IQUB: variants seen among roughly 807,000 people sequenced by gnomAD.
The protein encoded by IQUB is IQ motif and ubiquitin domain containing.
In IQUB, 86 loss-of-function variants were observed where a neutral mutation model predicts 86.4. The observed-to-expected ratio is 1.00, with a 90% confidence interval of 0.84 to 1.19. The LOEUF (loss-of-function observed/expected upper bound fraction) is 1.19. IQUB is among the 50% of genes most tolerant of loss of function. The pLI, the probability that IQUB is intolerant of heterozygous loss-of-function variation, is 0.00. For missense variants in IQUB, 946 were observed against 916.9 expected, an observed-to-expected ratio of 1.03 and a Z score of -0.41; for synonymous variants, 289 against 304.5, an observed-to-expected ratio of 0.95 and a Z score of 0.53.
chr7:123,500,327 A>G (rs1795888150), intron 6 of IQUB, among the ~76,000 whole-genome samples: 1 of 152,186 alleles, frequency 6.6e-6, no homozygotes, highest in African/African-American at 2.4e-5. Context: ...CACTAGAAAA[A>G]ACAAAATACT....
chr7:123,479,691 A>AAATTCATGT, intron 8 of IQUB, 104 bp downstream of exon 8: 2 of 831,120 alleles, frequency 2.4e-6, no homozygotes, highest in Non-Finnish European at 3.7e-6. Flanking sequence ...ATCCTAAACA[A>AAATTCATGT]AATTCATGTA....
At chr7:123,499,707 C>T (rs182993115) in intron 6 of IQUB, among the ~76,000 whole-genome samples, 3 of 152,190 alleles carry the variant, frequency 2.0e-5, no homozygotes. Context: ...TAGATATGCA[C>T]TTGGTATAAA....
At chr7:123,511,439 T>C (rs1429230340) in intron 2 of IQUB, among the ~76,000 whole-genome samples, 3 of 152,168 alleles carry the variant, frequency 2.0e-5, no homozygotes, top group Non-Finnish European at 4.4e-5. Context: ...TGAAAAACAA[T>C]GATTTTTCTG....
chr7:123,474,917 C>T (rs1794683104), intron 8 of IQUB, among the ~76,000 whole-genome samples: 1 of 152,190 alleles, frequency 6.6e-6, no homozygotes, highest in Non-Finnish European at 1.5e-5. Context: ...ACCCACAAAA[C>T]ACCTCTGCCT....
At chr7:123,511,157 C>T (rs1314630892) in intron 2 of IQUB, among the ~76,000 whole-genome samples, 1 of 152,108 alleles carries the variant, frequency 6.6e-6, no homozygotes, top group Non-Finnish European at 1.5e-5. Context: ...GGGTAAACTA[C>T]ACCACCAGAT....
Position 123,496,825 on chromosome 7 carries a change from G to C in IQUB, c.1105C>G (p.Leu369Val), listed in dbSNP as rs770368605. ...AGTTCTTGCTGTGTTTCCCATTCCA[G>C]TCTTAAGCTTTTCTGTCTTCTTAAA... ...ENLRRQKSLR[L>V]EWETQQELRK... The change falls in exon 7 of 13, where the codon CTG becomes GTG. Residue 369 changes from leucine (L) to valine (V), a missense_variant. Leu to Val is a conservative substitution (Grantham distance 32, BLOSUM62 1). Transcript: ENST00000324698. 3.9e-5 allele frequency: 63 copies of C among 1,612,386 alleles called. No individual in the cohort carries two copies. The South Asian group carries it at 6.8e-4, about 17-fold the overall frequency.
chr7:123,487,602 C>G lies in IQUB; in HGVS notation c.1235-7632G>C, dbSNP rs73720258. 7.0e-3 allele frequency among the ~76,000 whole-genome samples: 1,066 copies of G among 152,276 alleles called. 14 individuals are homozygous for G. The highest frequency in any genetic ancestry group is 0.024 in the African/African-American group (1,016 of 41,560). On this transcript the variant is annotated intron_variant, in intron 7 of 12. Coordinates refer to ENST00000324698, the MANE Select transcript of IQUB (RefSeq NM_178827.5). ...TATCACACCAGAGAATTTTTCAAACCTAGCAAAAGTGTAAACTATGCTTGT... is the reference window on the plus strand; with the variant it reads ...TATCACACCAGAGAATTTTTCAAACGTAGCAAAAGTGTAAACTATGCTTGT...
intron 3 of IQUB, among the ~76,000 whole-genome samples, chr7:123,508,150 G>T (rs1266381685): frequency 6.6e-6 from 1 of 152,152 alleles, no homozygotes; most frequent in Non-Finnish European, 1.5e-5. Context: ...CAGATTTGAA[G>T]ATGCTACAGT....
At chr7:123,453,208 G>A (rs1793519073) in intron 12 of IQUB, among the ~76,000 whole-genome samples, 1 of 147,468 alleles carries the variant, frequency 6.8e-6, no homozygotes, top group South Asian at 2.2e-4. Context: ...TTTTGTATAG[G>A]GTGTGATGTG....
chr7:123,504,586 A>G (rs891739266), intron 3 of IQUB, among the ~76,000 whole-genome samples: 1 of 152,172 alleles, frequency 6.6e-6, no homozygotes, highest in Non-Finnish European at 1.5e-5. Context: ...AGGAGGAGAA[A>G]GAGTGAAGGA....
chr7:123,526,564 C>T (rs1296749211), intron 1 of IQUB, among the ~76,000 whole-genome samples: 1 of 151,476 alleles, frequency 6.6e-6, no homozygotes, highest in African/African-American at 2.4e-5. Flanking sequence ...GATCTTCCTC[C>T]ATCCTTTTAT....
rs1794416622 is a variant in IQUB at position 123,469,300 on chromosome 7, G to T, written c.1495C>A (p.Gln499Lys). 3.7e-6 allele frequency: 6 copies of T among 1,610,080 alleles called. No homozygotes were observed. Among genetic ancestry groups the T allele is most frequent in the Non-Finnish European group, 5.1e-6 (6 of 1,177,834 alleles). ...TQFTIRARELQNIYKCIMLKN... is the reference protein window; with the variant it reads ...TQFTIRARELKNIYKCIMLKN... Reference sequence around the variant, plus strand: ...AGCATAATGCACTTATAGATATTTTGCAGCTCTCTGGCTCTGATGGTGAAC... The same window carrying T: ...AGCATAATGCACTTATAGATATTTTTCAGCTCTCTGGCTCTGATGGTGAAC... Residue 499 changes from glutamine to lysine, a missense_variant, in exon 9 of 13, where the codon CAA becomes AAA. Physicochemically the swap from Gln to Lys is moderately conservative, Grantham distance 53 (BLOSUM62 1). Transcript: ENST00000324698.
At chr7:123,515,145 C>G (rs1370540140) in intron 1 of IQUB, among the ~76,000 whole-genome samples, 2 of 151,978 alleles carry the variant, frequency 1.3e-5, no homozygotes, top group Admixed American at 6.6e-5. Flanking sequence ...CACAAAAACA[C>G]CATTTTGATT....
intron 1 of IQUB, among the ~76,000 whole-genome samples, chr7:123,523,409 A>T (rs1273601281): frequency 6.6e-6 from 1 of 151,388 alleles, no homozygotes; most frequent in African/African-American, 2.4e-5. Context: ...CTGGTGTGAG[A>T]TGATATCTCA....
At position 123,498,864 on chromosome 7, in the gene IQUB, G is replaced by A. The variant is rs549713078; in HGVS notation, c.1024-1958C>T. On this transcript the variant is annotated intron_variant, in intron 6 of 12. Transcript: ENST00000324698. Reference sequence around the variant, plus strand: ...AAGTGATGAAATGTGGTCATCAGTGGAACAGCCACATGCTCAGATAAAGCT... The same window carrying A: ...AAGTGATGAAATGTGGTCATCAGTGAAACAGCCACATGCTCAGATAAAGCT... 2.8e-3 allele frequency among the ~76,000 whole-genome samples: 420 copies of A among 152,284 alleles called. 3 individuals are homozygous for A. Among genetic ancestry groups the A allele is most frequent in the Non-Finnish European group, 4.4e-3 (297 of 68,026 alleles).
rs191859668 is a variant in IQUB at position 123,521,681 on chromosome 7, C to G, written c.-4-9337G>C. ...ACACACACACACACACACACACACA[C>G]AGAGATCACAGTTCTCTGTAACCTG... On this transcript the variant is annotated intron_variant, in intron 1 of 12. Coordinates refer to ENST00000324698, the MANE Select transcript of IQUB (RefSeq NM_178827.5). 4.6e-4 allele frequency among the ~76,000 whole-genome samples: 69 copies of G among 151,134 alleles called. 1 individual carries two copies. The South Asian group carries it at 9.6e-3, about 21-fold the overall frequency.
rs532977406 is a variant in IQUB, at chr7:123,465,717, T to C, written c.1582-708A>G. Among the ~76,000 whole-genome samples, 112 of 152,162 alleles carry C rather than the reference T, an allele frequency of 7.4e-4. 1 individual carries two copies. The highest frequency in any genetic ancestry group is 1.4e-3 in the Non-Finnish European group (93 of 67,936). ...AGTCATTAATTGTAAAATAATGCTC[T>C]TCCGTACTTTGTACTACATAGTTGG... On this transcript the variant is annotated intron_variant, in intron 9 of 12. Coordinates refer to ENST00000324698, the MANE Select transcript of IQUB (RefSeq NM_178827.5).
chr7:123,529,505 T>C (rs1797418344), intron 1 of IQUB, among the ~76,000 whole-genome samples: 1 of 151,464 alleles, frequency 6.6e-6, no homozygotes, highest in Non-Finnish European at 1.5e-5. Context: ...TAGGATAATT[T>C]ATTTTTTAAG....
At chr7:123,494,275 T>C (rs1453128801) in intron 7 of IQUB, among the ~76,000 whole-genome samples, 1 of 152,146 alleles carries the variant, frequency 6.6e-6, no homozygotes, top group African/African-American at 2.4e-5. Flanking sequence ...TTTTCTTAAA[T>C]TAATATCATT....
Sources: allele counts gnomAD v4.1 joint callset (sites outside exome capture counted in the v4.1 genomes callset), GRCh38; gene constraint gnomAD v4.1.1; transcripts MANE v1.5; gene names NCBI Gene and HGNC (gene_info 2026-07-23, HGNC 2026-07-21).